Variants in TTN observed in about 807,000 individuals in gnomAD.
TTN encodes connectin.
In TTN, 1,525 loss-of-function variants were observed where a neutral mutation model predicts 3,223.0. The observed-to-expected ratio is 0.47, with a 90% CI of 0.45 to 0.49. The LOEUF (loss-of-function observed/expected upper bound fraction) is 0.49. Among genes scored for constraint, TTN ranks in the 20% least tolerant of loss-of-function variants. The pLI is 0.00. For synonymous variants in TTN, 14,094 were observed against 15,161.0 expected (o/e 0.93, Z 5.17); for missense variants, 40,786 against 43,424.0 (o/e 0.94, Z 5.40).
Position 178,734,710 on chromosome 2 carries a change from T to G in TTN, c.15214A>C (p.Lys5072Gln). 6.2e-7 allele frequency: 1 copy of G among 1,603,664 alleles called. No homozygotes were observed. Among genetic ancestry groups the G allele is most frequent in the Non-Finnish European group, 8.5e-7 (1 of 1,172,936 alleles). The change falls in exon 51 of 363, where the codon AAA becomes CAA. Residue 5072 changes from lysine to glutamine, a missense_variant. Transcript: ENST00000589042. ...GATGGAAACTCAGTAAACAAACCTT[T>G]GATAACTATTTCAGTACTGCAGCTA... Reference protein sequence around the residue: ...SDSCSTEIVIKEPPSFIKTLE... With the variant: ...SDSCSTEIVIQEPPSFIKTLE...
At chr2:178,538,476 AGGGGGAATTAGCC>A (rs1692741105) in intron 354 of TTN, 51 bp downstream of exon 354, 1 of 1,482,170 alleles carries the variant, frequency 6.7e-7, no homozygotes, top group East Asian at 2.3e-5. Flanking sequence ...CTTAGTATAG[AGGGGGAATTAGCC>A]TTAACTTGTT....
At chr2:178,647,177 T>C (rs2062141026) in intron 214 of TTN, 33 bp from the exon 215 acceptor site, 1 of 1,287,586 alleles carries the variant, frequency 7.8e-7, no homozygotes, top group Non-Finnish European at 1.0e-6. Context: ...TTTTAGACTA[T>C]ATTTAGAACA....
rs1385595780 is a variant in TTN, at chr2:178,795,157, G to A, written c.1010C>T (p.Thr337Ile). The A allele has an allele frequency of 1.2e-6, 2 of 1,614,166 alleles. No individual in the cohort carries two copies. Among genetic ancestry groups the A allele is most frequent in the Non-Finnish European group, 1.7e-6 (2 of 1,180,018 alleles). ...CCAAGGGGGAGGCACTTCAGGACCT[G>A]TGGCCACGGTGGATGCCTGAGTCTT... ...MRKTQASTVA[T>I]GPEVPPPWKQ... Residue 337 changes from threonine (T) to isoleucine (I), a missense_variant, in exon 7 of 363, where the codon ACA becomes ATA. Transcript: ENST00000589042.
chr2:178,678,321 T>C, intron 144 of TTN, 93 bp downstream of exon 144: 1 of 1,508,548 alleles, frequency 6.6e-7, no homozygotes, highest in Non-Finnish European at 9.0e-7. Context: ...ATAGACACTT[T>C]AAAAATGTAC....
chr2:178,552,968 T>C lies in TTN; in HGVS notation c.89932A>G (p.Arg29978Gly), dbSNP rs746391024. Residue 29978 changes from arginine (R) to glycine (G), a missense_variant, in exon 335 of 363, where the codon AGA (arginine) becomes GGA (glycine). Arg to Gly is a moderately radical substitution (Grantham distance 125). Coordinates refer to ENST00000589042, the MANE Select transcript of TTN (RefSeq NM_001267550.2). ...YVIEKRDATK[R>G]TWSVVSHKCS... ...TTGTGTGACACGACAGACCATGTTC[T>C]CTTGGTGGCATCTCTCTTTTCAATG... 1 of 1,613,004 alleles carries C rather than the reference T, an allele frequency of 6.2e-7. No individual in the cohort carries two copies. Among genetic ancestry groups the C allele is most frequent in the Non-Finnish European group, 8.5e-7 (1 of 1,179,800 alleles).
chr2:178,782,722 G>A (rs2092888490), intron 18 of TTN, 84 bp downstream of exon 18: 4 of 1,608,310 alleles, frequency 2.5e-6, no homozygotes, highest in Admixed American at 3.4e-5. Context: ...TCATTTCAAG[G>A]TGCACAGAAA....
At chr2:178,684,559 C>A in intron 131 of TTN, 107 bp downstream of exon 131, 1 of 1,357,514 alleles carries the variant, frequency 7.4e-7, no homozygotes, top group Admixed American at 2.1e-5. Flanking sequence ...CCAAAGACAC[C>A]ATTGTCACCC....
chr2:178,651,669 T>C lies in TTN; in HGVS notation c.39460A>G (p.Lys13154Glu). The stretch of plus-strand genomic sequence containing the variant: ...AGTTAGTGGCAGTGAGGAATACCTT[T>C]CACTGGTGGTAGTTCAGGTTTTTTG... ...VAKKPELPPV[K>E]VPEVPKEVVP... The change falls in exon 206 of 363, where the codon AAA becomes GAA. Residue 13154 changes from lysine to glutamate, a missense_variant. Lys to Glu is a moderately conservative substitution (Grantham distance 56). Transcript: ENST00000589042. 6.2e-7 allele frequency: 1 copy of C among 1,613,316 alleles called. No individual in the cohort carries two copies. Among genetic ancestry groups the C allele is most frequent in the Non-Finnish European group, 8.5e-7 (1 of 1,179,534 alleles).
At chr2:178,775,223 A>G (rs750175751) in intron 28 of TTN, 21 bp from the exon 29 acceptor site, 32 of 1,613,264 alleles carry the variant, frequency 2.0e-5, no homozygotes, top group Middle Eastern at 1.6e-4. Context: ...AAGGTGGGGG[A>G]AAAAGGGGAG....
rs376571708 is a variant in TTN at position 178,767,810 on chromosome 2, G to A, written c.9420C>T (p.Leu3140=). The change falls in exon 40 of 363, where the codon CTC becomes CTT. Residue 3140 remains leucine, a synonymous_variant. Transcript: ENST00000589042. ...TGCGAACATCTCTGCCTTCTACAAA[G>A]AGTTTTGCAGTTGACACGTTGCCTC... is the stretch of plus-strand genomic sequence containing the variant. ...VAGGNVSTAK[L]FVEGRDVRIR... 1 of 1,614,126 alleles carries A rather than the reference G, an allele frequency of 6.2e-7. No individual in the cohort carries two copies.
At chr2:178,528,027 A>G (rs900795748) in intron 361 of TTN, 4 of 552,744 alleles carry the variant, frequency 7.2e-6, no homozygotes, top group South Asian at 3.1e-5. Context: ...AGTAATTGAC[A>G]TATTGTGCAT....
chr2:178,798,383 A>G (rs1487645079), intron 6 of TTN: 1 of 152,148 alleles, frequency 6.6e-6, no homozygotes, highest in Admixed American at 6.5e-5. Flanking sequence ...TTTACACTTG[A>G]TTATATAATT....
At chr2:178,693,734 G>A (rs759897567) in intron 118 of TTN, 45 bp from the exon 119 acceptor site, 1 of 1,422,300 alleles carries the variant, frequency 7.0e-7, no homozygotes, top group Non-Finnish European at 9.7e-7. Flanking sequence ...CATGTTGTGG[G>A]TGGTAATTGT....
chr2:178,701,601 T>A lies in TTN; in HGVS notation c.30539-14A>T. On this transcript the variant is annotated splice_polypyrimidine_tract_variant and intron_variant, in intron 109 of 362. Coordinates refer to ENST00000589042, the MANE Select transcript of TTN (RefSeq NM_001267550.2). ...AGTCAGGAATATCTGGAAAGGGACA[T>A]GTAATAAGCATAGAGAGACTGAGAA... 6.2e-7 allele frequency: 1 copy of A among 1,613,018 alleles called. No homozygotes were observed. The highest frequency in any genetic ancestry group is 8.5e-7 in the Non-Finnish European group (1 of 1,179,054).
In TTN at chr2:178,566,167, T is replaced by C. The variant is rs1346937301; in HGVS notation, c.79965A>G (p.Arg26655=). The change falls in exon 326 of 363, where the codon AGA becomes AGG. Residue 26655 remains arginine (R), a synonymous_variant. Coordinates refer to ENST00000589042, the MANE Select transcript of TTN (RefSeq NM_001267550.2). ...TAAGAATGTATTTTCCAGCATCATTTCTATCACAGTTATCTATTGATAGTT... is the reference window on the plus strand; with the variant it reads ...TAAGAATGTATTTTCCAGCATCATTCCTATCACAGTTATCTATTGATAGTT... ...YTQLSIDNCD[R]NDAGKYILKL... is the part of the protein sequence containing the mutation. 1.2e-6 allele frequency: 2 copies of C among 1,613,594 alleles called. No individual in the cohort carries two copies. The highest frequency in any genetic ancestry group is 1.7e-6 in the Non-Finnish European group (2 of 1,179,704).
chr2:178,729,634 C>T, intron 63 of TTN, 30 bp downstream of exon 63: 2 of 1,613,550 alleles, frequency 1.2e-6, no homozygotes, highest in South Asian at 1.1e-5. Context: ...GCAGCACAGC[C>T]AAAATGGAGA....
chr2:178,683,906 C>CTT, intron 133 of TTN, 93 bp downstream of exon 133: 6 of 894,304 alleles, frequency 6.7e-6, no homozygotes, highest in South Asian at 5.0e-5. Context: ...TATACTATGT[C>CTT]TTTTTTTTTC....
chr2:178,777,037 G>A lies in TTN; in HGVS notation c.4827C>T (p.Thr1609=). Reference sequence around the variant, plus strand: ...CGATTTTAAGGGCAGCTTCTCCCTTGGTTCCTTCAATTCTATAAAAAGTTG... The same window carrying A: ...CGATTTTAAGGGCAGCTTCTCCCTTAGTTCCTTCAATTCTATAAAAAGTTG... ...HKYPKIRIEG[T]KGEAALKIDS... Residue 1609 remains threonine, a synonymous_variant, in exon 28 of 363, where the codon ACC becomes ACT. Coordinates refer to ENST00000589042, the MANE Select transcript of TTN (RefSeq NM_001267550.2). 6.2e-7 allele frequency: 1 copy of A among 1,613,956 alleles called. No individual in the cohort carries two copies. Among genetic ancestry groups the A allele is most frequent in the Non-Finnish European group, 8.5e-7 (1 of 1,179,972 alleles).
At chr2:178,643,968 G>C (rs1465050461) in intron 218 of TTN, among the ~76,000 whole-genome samples, 1 of 151,786 alleles carries the variant, frequency 6.6e-6, no homozygotes, top group Non-Finnish European at 1.5e-5. Context: ...GACCTTATTA[G>C]GGAAAATATT....
Sources: gnomAD v4.1 joint callset for allele counts (sites outside exome capture counted in the v4.1 genomes callset) on GRCh38, gnomAD v4.1.1 for gene constraint, MANE v1.5 for transcripts, NCBI Gene and HGNC (gene_info 2026-07-23, HGNC 2026-07-21) for gene names.